The following PITPNC1 variants were observed in gnomAD, a reference collection of about 807,000 sequenced individuals.
PITPNC1 encodes cytoplasmic phosphatidylinositol transfer protein 1.
In PITPNC1, 18 loss-of-function variants were observed where a neutral mutation model predicts 44.7. The ratio of observed to expected loss-of-function variants is 0.40; its 90% CI spans 0.28 to 0.60. PITPNC1 has a LOEUF of 0.60. PITPNC1 is among the 20% of genes least tolerant of loss of function. The pLI is 0.39. For missense variants in PITPNC1, 290 were observed against 418.4 expected, an observed-to-expected ratio of 0.69 and a Z score of 2.68; for synonymous variants, 141 against 149.6, an observed-to-expected ratio of 0.94 and a Z score of 0.42.
chr17:67,668,592 G>A (rs565647713), intron 6 of PITPNC1, among the ~76,000 whole-genome samples: 15 of 152,114 alleles, frequency 9.9e-5, no homozygotes, highest in African/African-American at 2.7e-4. Flanking sequence ...GGCCAGGCAC[G>A]GTGGCTCACA....
chr17:67,494,185 T>TTTCTTTCTTTCTTTCTTTCTTTC (rs2039904517), intron 1 of PITPNC1, among the ~76,000 whole-genome samples: 3 of 102,428 alleles, frequency 2.9e-5, no homozygotes, highest in African/African-American at 7.6e-5. Context: ...CTTTCTTTCT[T>TTTCTTTCTTTCTTTCTTTCTTTC]TTTCTTTCTT....
chr17:67,474,310 C>G (rs557652676), intron 1 of PITPNC1, among the ~76,000 whole-genome samples: 1 of 152,160 alleles, frequency 6.6e-6, no homozygotes, highest in Non-Finnish European at 1.5e-5. Context: ...TTGTCTTCTC[C>G]GTCAAGATGT....
intron 1 of PITPNC1, among the ~76,000 whole-genome samples, chr17:67,436,786 G>A (rs1482037953): frequency 6.6e-6 from 1 of 151,878 alleles, no homozygotes; most frequent in African/African-American, 2.4e-5. Flanking sequence ...GGCCTTTTCT[G>A]GAAAGCTGGG....
intron 1 of PITPNC1, among the ~76,000 whole-genome samples, chr17:67,379,653 G>A (rs757686377): frequency 7.2e-5 from 11 of 152,160 alleles, no homozygotes; most frequent in Non-Finnish European, 4.4e-5. Flanking sequence ...GAAAGAGAAG[G>A]GCAAATGAAT....
At chr17:67,646,994 C>G (rs565960638) in intron 6 of PITPNC1, among the ~76,000 whole-genome samples, 1 of 152,304 alleles carries the variant, frequency 6.6e-6, no homozygotes, top group South Asian at 2.1e-4. Context: ...GCTAGACGTA[C>G]AAACAACTGT....
intron 8 of PITPNC1, chr17:67,687,127 A>C (rs762247915): frequency 2.9e-5 from 47 of 1,612,264 alleles, no homozygotes; most frequent in Non-Finnish European, 3.6e-5. Context: ...CCAACATAAA[A>C]GTTTGCAATC....
At chr17:67,498,726 A>G (rs906493923) in intron 1 of PITPNC1, among the ~76,000 whole-genome samples, 2 of 151,974 alleles carry the variant, frequency 1.3e-5, no homozygotes, top group Non-Finnish European at 1.5e-5. Flanking sequence ...TGTTATTTTG[A>G]TAGTGGCCTT....
intron 4 of PITPNC1, among the ~76,000 whole-genome samples, chr17:67,577,319 G>A (rs2041163132): frequency 1.3e-5 from 2 of 151,256 alleles, no homozygotes; most frequent in Admixed American, 6.6e-5. Flanking sequence ...AAGGCCGGGC[G>A]CCTGTAATCT....
At chr17:67,479,257 A>G (rs2039672195) in intron 1 of PITPNC1, among the ~76,000 whole-genome samples, 2 of 152,130 alleles carry the variant, frequency 1.3e-5, no homozygotes, top group South Asian at 4.1e-4. Flanking sequence ...TGATGTTCAC[A>G]CTTTCTGCCT....
At chr17:67,413,563 C>T (rs1598631581) in intron 1 of PITPNC1, among the ~76,000 whole-genome samples, 1 of 152,132 alleles carries the variant, frequency 6.6e-6, no homozygotes, top group Admixed American at 6.6e-5. Context: ...AGGCCTCCTT[C>T]ACCTCTATCC....
chr17:67,413,781 A>G (rs1182087992), intron 1 of PITPNC1, among the ~76,000 whole-genome samples: 1 of 152,180 alleles, frequency 6.6e-6, no homozygotes, highest in Non-Finnish European at 1.5e-5. Context: ...AGACAGTTCG[A>G]TGCTTTTCCT....
intron 4 of PITPNC1, among the ~76,000 whole-genome samples, chr17:67,558,973 G>A (rs756408775): frequency 3.9e-5 from 6 of 152,136 alleles, no homozygotes; most frequent in African/African-American, 4.8e-5. Context: ...AGGTGAACCC[G>A]GGTTATCTGC....
intron 2 of PITPNC1, among the ~76,000 whole-genome samples, chr17:67,549,481 C>G (rs2040729237): frequency 6.6e-6 from 1 of 152,086 alleles, no homozygotes; most frequent in Admixed American, 6.6e-5. Context: ...GCTGCATATC[C>G]TATATAAGTT....
rs2039822331 is a variant in PITPNC1 at position 67,488,903 on chromosome 17, G to A, written c.49-43899G>A. 2.0e-5 allele frequency among the ~76,000 whole-genome samples: 3 copies of A among 152,206 alleles called. No individual in the cohort carries two copies. In the South Asian group the frequency reaches 6.2e-4, roughly 32 times the overall value. On this transcript the variant is annotated intron_variant, in intron 1 of 8. Coordinates refer to ENST00000581322, the MANE Select transcript of PITPNC1 (RefSeq NM_012417.4). ...CGTAATATCCTCAAGGTGCATCTGT[G>A]TGGTAGTGTGTATCAGAATTTCCTT... is the stretch of plus-strand genomic sequence containing the variant.
intron 5 of PITPNC1, among the ~76,000 whole-genome samples, chr17:67,588,297 C>T (rs750127897): frequency 2.6e-5 from 4 of 152,224 alleles, no homozygotes; most frequent in Non-Finnish European, 5.9e-5. Context: ...AGCCACCGTG[C>T]CCAGCCGTGA....
At chr17:67,562,665 C>G (rs1036873748) in intron 4 of PITPNC1, among the ~76,000 whole-genome samples, 1 of 152,094 alleles carries the variant, frequency 6.6e-6, no homozygotes, top group African/African-American at 2.4e-5. Context: ...ATACGTAACC[C>G]TCACAAGGCA....
intron 1 of PITPNC1, among the ~76,000 whole-genome samples, chr17:67,409,068 A>ATTGTTT (rs2038449910): frequency 9.8e-6 from 1 of 102,252 alleles, no homozygotes; most frequent in Non-Finnish European, 2.1e-5. Context: ...GTCCAAATTC[A>ATTGTTT]TTCTTTTTTT....
chr17:67,408,677 T>TTCCTTC (rs2038437891), intron 1 of PITPNC1: 81 of 79,458 alleles, frequency 1.0e-3, no homozygotes, highest in Non-Finnish European at 6.1e-4. Flanking sequence ...GCTTTCTCTT[T>TTCCTTC]CTTCCTTCCT....
At chr17:67,659,644 G>T (rs571632993) in intron 6 of PITPNC1, among the ~76,000 whole-genome samples, 1 of 152,324 alleles carries the variant, frequency 6.6e-6, no homozygotes, top group Admixed American at 6.5e-5. Flanking sequence ...TCAGCACAGT[G>T]GGGGAAGGAA....
Sources: allele counts gnomAD v4.1 joint callset (sites outside exome capture counted in the v4.1 genomes callset), GRCh38; gene constraint gnomAD v4.1.1; transcripts MANE v1.5; gene names NCBI Gene and HGNC (gene_info 2026-07-23, HGNC 2026-07-21).